DENND1B: variants seen among roughly 807,000 people sequenced by gnomAD.
DENND1B encodes the protein DENN domain-containing protein 1B.
DENND1B carries 59 observed loss-of-function variants against 90.1 expected under a neutral mutation model. That is an observed-to-expected ratio of 0.65 (90% CI 0.53 to 0.81). DENND1B has a LOEUF of 0.81. Among genes scored for constraint, DENND1B ranks in the 40% least tolerant of loss-of-function variants. DENND1B has a pLI of 0.00. For synonymous variants in DENND1B, 337 were observed against 324.6 expected (o/e 1.04, Z -0.41); for missense variants, 862 against 912.6 (o/e 0.94, Z 0.71).
rs140784123 is a variant in DENND1B, at chr1:197,618,297, G to A, written c.673-538C>T. ...GGAGCTTCAGTAATGTGTGAACTGCGGGTTACGGTATCAAGAGACTCTGTT... is the reference window on the plus strand; with the variant it reads ...GGAGCTTCAGTAATGTGTGAACTGCAGGTTACGGTATCAAGAGACTCTGTT... On this transcript the variant is annotated intron_variant, in intron 10 of 22. Transcript: ENST00000620048. 1.3e-3 allele frequency among the ~76,000 whole-genome samples: 199 copies of A among 151,196 alleles called. 1 individual carries two copies. Among genetic ancestry groups the A allele is most frequent in the African/African-American group, 4.5e-3 (188 of 41,398 alleles).
chr1:197,622,471 G>A (rs1249637597), intron 10 of DENND1B, among the ~76,000 whole-genome samples: 1 of 151,336 alleles, frequency 6.6e-6, no homozygotes, highest in South Asian at 2.1e-4. Context: ...TCATCATTAT[G>A]AGGCTTTGAA....
intron 5 of DENND1B, among the ~76,000 whole-genome samples, chr1:197,663,064 A>G (rs1381569221): frequency 6.6e-6 from 1 of 152,092 alleles, no homozygotes; most frequent in Non-Finnish European, 1.5e-5. Context: ...AGTCTTCAAG[A>G]TGCCTCCCAA....
At chr1:197,563,601 A>G (rs1672359581) in intron 15 of DENND1B, among the ~76,000 whole-genome samples, 1 of 151,982 alleles carries the variant, frequency 6.6e-6, no homozygotes, top group Non-Finnish European at 1.5e-5. Context: ...ATGAGATATA[A>G]AAGGAGATTA....
At chr1:197,743,350 C>G (rs1663393504) in intron 2 of DENND1B, among the ~76,000 whole-genome samples, 1 of 152,168 alleles carries the variant, frequency 6.6e-6, no homozygotes, top group Non-Finnish European at 1.5e-5. Flanking sequence ...TATGTTCACA[C>G]TATACTGTAG....
At chr1:197,734,680 T>C (rs1206470367) in intron 2 of DENND1B, 11 of 984,968 alleles carry the variant, frequency 1.1e-5, no homozygotes, top group Non-Finnish European at 1.3e-5. Context: ...CAGCAATTAA[T>C]GAAAGATAAG....
chr1:197,781,529 A>C, the DENND1B span, among the ~76,000 whole-genome samples: 3 of 152,192 alleles, frequency 2.0e-5, no homozygotes, highest in Non-Finnish European at 4.4e-5. Context: ...TCCTCCTGGC[A>C]TGTTGTCCTT....
Position 197,595,353 on chromosome 1 carries a change from A to ACTGAG in DENND1B, c.922-21_922-20insCTCAG. Reference sequence around the variant, plus strand: ...CGAGACCTGCATGACAGAGAGGAACAGTTAAATTAACACCTCAGAAATTGG... The same window carrying ACTGAG: ...CGAGACCTGCATGACAGAGAGGAACACTGAGGTTAAATTAACACCTCAGAAATTGG... On this transcript the variant is annotated intron_variant, in intron 13 of 22. Coordinates refer to ENST00000620048, the MANE Select transcript of DENND1B (RefSeq NM_001195215.2). The ACTGAG allele has an allele frequency of 6.2e-7, 1 of 1,609,616 alleles. No homozygotes were observed.
intron 10 of DENND1B, among the ~76,000 whole-genome samples, chr1:197,627,957 C>T (rs1289866014): frequency 6.6e-6 from 1 of 152,028 alleles, no homozygotes; most frequent in African/African-American, 2.4e-5. Flanking sequence ...ACCTAGGAAT[C>T]CAACTTACAA....
intron 3 of DENND1B, among the ~76,000 whole-genome samples, chr1:197,675,571 T>C (rs1655975503): frequency 6.6e-6 from 1 of 152,176 alleles, no homozygotes; most frequent in Admixed American, 6.5e-5. Context: ...GACAATATTT[T>C]GTTAAATGTA....
At position 197,507,847 on chromosome 1, in the gene DENND1B, G is replaced by A. The variant is rs1010328803; in HGVS notation, c.*2613C>T. On this transcript the variant is annotated 3_prime_UTR_variant, in exon 23 of 23. Transcript: ENST00000620048. ...ACTTTGAATATTCAAAATTTTACTG[G>A]TTTGAAATACAAATACTTGGTAGTA... The A allele has an allele frequency of 2.6e-5, 4 of 151,450 alleles. No homozygotes were observed. The highest frequency in any genetic ancestry group is 9.7e-5 in the African/African-American group (4 of 41,326). The allele number at this position is 151,450 out of a possible 1,614,324, so 9.4% of individuals were successfully genotyped here. A position where few individuals can be genotyped will look rare whatever the true frequency, so the allele number is the denominator to read the frequency against.
intron 20 of DENND1B, among the ~76,000 whole-genome samples, chr1:197,525,397 A>T (rs1190406783): frequency 6.6e-6 from 1 of 152,126 alleles, no homozygotes; most frequent in Non-Finnish European, 1.5e-5. Flanking sequence ...TAAATAAGTC[A>T]GTAACCCTTT....
intron 9 of DENND1B, among the ~76,000 whole-genome samples, chr1:197,644,639 G>C (rs910524194): frequency 6.6e-6 from 1 of 152,118 alleles, no homozygotes; most frequent in African/African-American, 2.4e-5. Flanking sequence ...TGAGAGCTTT[G>C]ATTATCTATC....
Position 197,756,603 on chromosome 1 carries a change from A to G in DENND1B, c.82+16265T>C, listed in dbSNP as rs1255829288. Among the ~76,000 whole-genome samples, 10 of 132,104 alleles carry G rather than the reference A, an allele frequency of 7.6e-5. No homozygotes were observed. The South Asian group carries it at 2.4e-3, about 32-fold the overall frequency. 86.7% of individuals were successfully genotyped at this position (132,104 alleles called of 152,430 possible). The stretch of plus-strand genomic sequence containing the variant: ...AAAAAAAAAAAAAAAAAAAAAAAAA[A>G]TATGCCCCCATTAAACAATTAGATT... On this transcript the variant is annotated intron_variant, in intron 2 of 22. Coordinates refer to ENST00000620048, the MANE Select transcript of DENND1B (RefSeq NM_001195215.2).
intron 5 of DENND1B, among the ~76,000 whole-genome samples, chr1:197,664,173 A>G (rs1654706934): frequency 1.3e-5 from 2 of 152,070 alleles, no homozygotes; most frequent in Non-Finnish European, 2.9e-5. Flanking sequence ...ACTGATTATC[A>G]ATAAGGTAAA....
chr1:197,622,015 A>G (rs1375745817), intron 10 of DENND1B, among the ~76,000 whole-genome samples: 4 of 151,378 alleles, frequency 2.6e-5, no homozygotes, highest in African/African-American at 4.8e-5. Context: ...CAATTACAAC[A>G]TAAGTATATA....
chr1:197,664,901 A>T (rs918021483), intron 5 of DENND1B, among the ~76,000 whole-genome samples: 1 of 152,090 alleles, frequency 6.6e-6, no homozygotes, highest in Non-Finnish European at 1.5e-5. Context: ...TGTCTTCCTT[A>T]TTGGAGTATT....
chr1:197,655,380 C>T (rs1653698026), intron 6 of DENND1B, among the ~76,000 whole-genome samples: 1 of 152,156 alleles, frequency 6.6e-6, no homozygotes, highest in South Asian at 2.1e-4. Context: ...TCAATTATTA[C>T]TTTAGTTGTG....
chr1:197,512,599 G>C (rs1668108591), intron 21 of DENND1B, among the ~76,000 whole-genome samples: 2 of 151,514 alleles, frequency 1.3e-5, no homozygotes, highest in African/African-American at 2.4e-5. Context: ...GCCTAATTTA[G>C]ATGGGCTTCT....
chr1:197,552,644 A>G (rs1671334491), intron 16 of DENND1B: 1 of 1,010,018 alleles, frequency 9.9e-7, no homozygotes, highest in South Asian at 4.4e-5. Flanking sequence ...ATTACCAATC[A>G]TAACCTCAGT....
Sources: gnomAD v4.1 joint callset for allele counts (sites outside exome capture counted in the v4.1 genomes callset) on GRCh38, gnomAD v4.1.1 for gene constraint, MANE v1.5 for transcripts, NCBI Gene and HGNC (gene_info 2026-07-23, HGNC 2026-07-21) for gene names.